ZNF516: variants seen among roughly 807,000 people sequenced by gnomAD.
The protein encoded by ZNF516 is zinc finger protein 516.
A neutral mutation model predicts 79.7 loss-of-function variants in ZNF516; 19 were observed. The ratio of observed to expected loss-of-function variants is 0.24; its 90% CI spans 0.17 to 0.35. The LOEUF (loss-of-function observed/expected upper bound fraction) is 0.35, where lower values mean the gene tolerates loss of function less well. ZNF516 is among the 10% of genes least tolerant of loss of function. ZNF516 has a pLI of 1.00. For synonymous variants in ZNF516, 877 were observed against 739.5 expected (o/e 1.19, Z -3.02); for missense variants, 1,678 against 1,679.5 (o/e 1.00, Z 0.02).
intron 6 of ZNF516, among the ~76,000 whole-genome samples, chr18:76,363,207 T>C (rs942600405): frequency 6.6e-5 from 10 of 152,202 alleles, no homozygotes; most frequent in African/African-American, 1.7e-4. Context: ...GTTTGAACAA[T>C]AGCATTTACA....
chr18:76,481,717 A>G (rs1914533542), intron 1 of ZNF516, among the ~76,000 whole-genome samples: 1 of 152,254 alleles, frequency 6.6e-6, no homozygotes, highest in Non-Finnish European at 1.5e-5. Flanking sequence ...TAGGCACTTG[A>G]TCAATGTTTG....
intron 3 of ZNF516, among the ~76,000 whole-genome samples, chr18:76,389,964 G>A (rs1026219459): frequency 3.3e-5 from 5 of 152,136 alleles, no homozygotes; most frequent in Non-Finnish European, 7.3e-5. Flanking sequence ...ATTACATGAG[G>A]CAGTATGTCT....
upstream of ZNF516, chr18:76,495,563 C>G (rs1915449020): frequency 1.1e-5 from 3 of 282,472 alleles, no homozygotes; most frequent in South Asian, 7.9e-5. Flanking sequence ...GACTCAGACA[C>G]AGCCAATTCC....
At chr18:76,427,317 T>A (rs1040410606) in intron 3 of ZNF516, among the ~76,000 whole-genome samples, 1 of 152,100 alleles carries the variant, frequency 6.6e-6, no homozygotes, top group African/African-American at 2.4e-5. Context: ...ATGCTGGAGG[T>A]TTATATGAAA....
intron 3 of ZNF516, among the ~76,000 whole-genome samples, chr18:76,407,874 C>T (rs77863322): frequency 1.6e-3 from 245 of 152,316 alleles, no homozygotes; most frequent in African/African-American, 5.7e-3. Flanking sequence ...AACACGCAGC[C>T]CTCTGAGCTG....
At chr18:76,427,211 C>T (rs1480074700) in intron 3 of ZNF516, among the ~76,000 whole-genome samples, 3 of 152,146 alleles carry the variant, frequency 2.0e-5, no homozygotes, top group Admixed American at 6.5e-5. Flanking sequence ...TCAACACTTA[C>T]GACTGGAACC....
chr18:76,374,092 C>G (rs1422240802), intron 4 of ZNF516, among the ~76,000 whole-genome samples: 2 of 152,216 alleles, frequency 1.3e-5, no homozygotes, highest in African/African-American at 4.8e-5. Context: ...GAAAAAGATT[C>G]TACAAAGAGA....
chr18:76,466,658 G>A (rs764546583), intron 1 of ZNF516, among the ~76,000 whole-genome samples: 4 of 152,366 alleles, frequency 2.6e-5, no homozygotes, highest in East Asian at 1.9e-4. Context: ...CACACAGGAC[G>A]CAGTGGTGCC....
chr18:76,377,736 G>C (rs1212637031), intron 4 of ZNF516, among the ~76,000 whole-genome samples: 1 of 104,386 alleles, frequency 9.6e-6, no homozygotes, highest in Non-Finnish European at 2.4e-5. Context: ...TTTTTTTTGA[G>C]ATGGAGTCTC....
At chr18:76,412,643 C>T (rs2075385828) in intron 3 of ZNF516, among the ~76,000 whole-genome samples, 1 of 152,166 alleles carries the variant, frequency 6.6e-6, no homozygotes, top group South Asian at 2.1e-4. Flanking sequence ...AAGGACACAC[C>T]GTGCCTCCTG....
At chr18:76,363,622 TG>T (rs2074572268) in intron 6 of ZNF516, among the ~76,000 whole-genome samples, 1 of 152,188 alleles carries the variant, frequency 6.6e-6, no homozygotes, top group Non-Finnish European at 1.5e-5. Context: ...ATGAGAGATG[TG>T]ATAAAACTTC....
chr18:76,476,373 A>G (rs753803146), intron 1 of ZNF516, among the ~76,000 whole-genome samples: 4 of 152,236 alleles, frequency 2.6e-5, no homozygotes, highest in Non-Finnish European at 5.9e-5. Flanking sequence ...TAAAGCCTTC[A>G]GTGCCAGTTG....
Position 76,442,008 on chromosome 18 carries a change from G to A in ZNF516, c.1047C>T (p.Ser349=). ...GGTGGATGGCATTGTGGGCGTTCAA[G>A]CTGTCCAGGTTTGTAAACAGGTTCC... ...KCGNLFTNLD[S]LNAHNAIHRR... is the part of the protein sequence containing the mutation. Residue 349 remains serine (S), a synonymous_variant, in exon 3 of 7, where the codon AGC becomes AGT. Coordinates refer to ENST00000443185, the MANE Select transcript of ZNF516 (RefSeq NM_014643.4). 1.2e-6 allele frequency: 2 copies of A among 1,613,734 alleles called. No homozygotes were observed. The highest frequency in any genetic ancestry group is 1.1e-5 in the South Asian group (1 of 91,084).
chr18:76,470,806 A>T (rs1431956565), intron 1 of ZNF516, among the ~76,000 whole-genome samples: 1 of 152,184 alleles, frequency 6.6e-6, no homozygotes, highest in Non-Finnish European at 1.5e-5. Flanking sequence ...CCAGGTCAGG[A>T]GATCAAGACC....
chr18:76,493,340 G>A lies in ZNF516; in HGVS notation c.-272+1804C>T, dbSNP rs1308804469. ...TCATTCCGCGGGGGGCGGGGGGGGGGGCGGGGGCCGACGCAGGGGAAAGAG... is the reference window on the plus strand; with the variant it reads ...TCATTCCGCGGGGGGCGGGGGGGGGAGCGGGGGCCGACGCAGGGGAAAGAG... On this transcript the variant is annotated intron_variant, in intron 1 of 6. Coordinates refer to ENST00000443185, the MANE Select transcript of ZNF516 (RefSeq NM_014643.4). This position sits in a 1 kb window ranked among gnomAD's most constrained non-coding sequence, Gnocchi z 5.2. The A allele has an allele frequency of 1.5e-5, 2 of 133,936 alleles. No homozygotes were observed. The highest frequency in any genetic ancestry group is 2.7e-5 in the African/African-American group (1 of 37,166). The allele number at this position is 133,936 out of a possible 1,614,324, so 8.3% of individuals were successfully genotyped here.
chr18:76,461,794 C>T (rs1019442347), intron 2 of ZNF516, among the ~76,000 whole-genome samples: 14 of 152,184 alleles, frequency 9.2e-5, no homozygotes, highest in Non-Finnish European at 1.6e-4. Flanking sequence ...CGCCAACAGG[C>T]GAGGGGCCCA....
intron 3 of ZNF516, among the ~76,000 whole-genome samples, chr18:76,401,879 T>C: frequency 9.0e-5 from 1 of 11,130 alleles, no homozygotes; most frequent in Non-Finnish European, 1.7e-4. Flanking sequence ...CCACTACTGT[T>C]TATAGGCTCT....
Position 76,442,872 on chromosome 18 carries a change from G to A in ZNF516, c.183C>T (p.Pro61=), listed in dbSNP as rs528359185. Residue 61 remains proline (P), a synonymous_variant, in exon 3 of 7, where the codon CCC becomes CCT. Transcript: ENST00000443185. ...QHMRKHTGEK[P]YKCPYCDHRA... ...GGTGGTCGCAGTAGGGACACTTGTA[G>A]GGCTTCTCGCCCGTGTGCTTGCGCA... 2.5e-6 allele frequency: 4 copies of A among 1,613,748 alleles called. No homozygotes were observed. In the African/African-American group the frequency reaches 4.0e-5, roughly 16 times the overall value.
chr18:76,397,998 C>A (rs2145193270), intron 3 of ZNF516, among the ~76,000 whole-genome samples: 1 of 152,294 alleles, frequency 6.6e-6, no homozygotes, highest in Admixed American at 6.5e-5. Flanking sequence ...TCAGTGAGTA[C>A]AGAATCAACA....
Sources: gnomAD v4.1 joint callset for allele counts (sites outside exome capture counted in the v4.1 genomes callset) on GRCh38, gnomAD v4.1.1 for gene constraint, Gnocchi (gnomAD v3.1) non-coding constraint, MANE v1.5 for transcripts, NCBI Gene and HGNC (gene_info 2026-07-23, HGNC 2026-07-21) for gene names.